EVI5: variants seen among roughly 807,000 people sequenced by gnomAD.
EVI5 encodes the protein ecotropic viral integration site 5 protein homolog.
Under a neutral mutation model 112.0 loss-of-function variants are expected in EVI5, and 73 were observed. The ratio of observed to expected loss-of-function variants is 0.65; its 90% CI spans 0.54 to 0.79. EVI5 has a LOEUF of 0.79. EVI5 is among the 30% of genes least tolerant of loss of function. The pLI, the probability that EVI5 is intolerant of heterozygous loss-of-function variation, is 0.00. For synonymous variants in EVI5, 305 were observed against 319.9 expected, an observed-to-expected ratio of 0.95 and a Z score of 0.50; for missense variants, 900 against 968.8, an observed-to-expected ratio of 0.93 and a Z score of 0.94.
chr1:92,702,236 G>C (rs201082078), intron 4 of EVI5, 21 bp from the exon 5 acceptor site: 7 of 1,362,186 alleles, frequency 5.1e-6, no homozygotes, highest in Admixed American at 2.5e-5. Flanking sequence ...AAAAAAAGTT[G>C]TTCAAAATAC....
intron 18 of EVI5, among the ~76,000 whole-genome samples, chr1:92,588,549 T>C (rs1055881161): frequency 2.0e-5 from 3 of 152,204 alleles, no homozygotes; most frequent in Non-Finnish European, 2.9e-5. Flanking sequence ...CTAATACCAA[T>C]ATCTTCTCAT....
At chr1:92,675,958 AAAAAAAAAAAAAG>A (rs1310970400) in intron 10 of EVI5, among the ~76,000 whole-genome samples, 4 of 150,668 alleles carry the variant, frequency 2.7e-5, no homozygotes, top group African/African-American at 7.3e-5. Context: ...TTCGTCTCAA[AAAAAAAAAAAAAG>A]AAAAAGAAAA....
chr1:92,700,613 C>T (rs1024151788), intron 5 of EVI5, among the ~76,000 whole-genome samples: 1 of 152,126 alleles, frequency 6.6e-6, no homozygotes, highest in Non-Finnish European at 1.5e-5. Context: ...TTGAAGGAAA[C>T]TGTGATTCCT....
intron 1 of EVI5, among the ~76,000 whole-genome samples, chr1:92,752,618 G>A (rs1680358307): frequency 6.6e-6 from 1 of 152,060 alleles, no homozygotes; most frequent in African/African-American, 2.4e-5. Context: ...CTTCTTTGTG[G>A]GGAGCGGGGA....
intron 9 of EVI5, among the ~76,000 whole-genome samples, chr1:92,682,961 T>C (rs560809230): frequency 1.3e-5 from 2 of 152,304 alleles, no homozygotes; most frequent in South Asian, 4.1e-4. Flanking sequence ...GGACATACAG[T>C]TGTAATTTAT....
chr1:92,522,110 A>G (rs1188698540), intron 19 of EVI5, among the ~76,000 whole-genome samples: 1 of 152,208 alleles, frequency 6.6e-6, no homozygotes, highest in African/African-American at 2.4e-5. Flanking sequence ...TATCTCATTT[A>G]GCAACATGTC....
At chr1:92,720,654 C>T (rs1021298662) in intron 2 of EVI5, among the ~76,000 whole-genome samples, 2 of 152,134 alleles carry the variant, frequency 1.3e-5, no homozygotes, top group Non-Finnish European at 2.9e-5. Context: ...GCAATGGCAA[C>T]AAAAGCCAAA....
chr1:92,673,181 T>C (rs1666153099), intron 10 of EVI5, among the ~76,000 whole-genome samples: 1 of 68,000 alleles, frequency 1.5e-5, no homozygotes, highest in Non-Finnish European at 2.9e-5. Flanking sequence ...TAGATAACAC[T>C]TCTCTTTTTT....
At chr1:92,599,320 T>C (rs372895399) in intron 18 of EVI5, among the ~76,000 whole-genome samples, 2 of 151,938 alleles carry the variant, frequency 1.3e-5, no homozygotes, top group South Asian at 4.1e-4. Context: ...GTACCAGTAA[T>C]TGGAAGAGTT....
intron 9 of EVI5, among the ~76,000 whole-genome samples, chr1:92,687,694 G>A (rs975724412): frequency 6.6e-6 from 1 of 151,978 alleles, no homozygotes; most frequent in Non-Finnish European, 1.5e-5. Flanking sequence ...AAATTTACAA[G>A]AAAAAGACAA....
At chr1:92,550,781 AATATATATATATATATAT>A (rs1330757944) in intron 19 of EVI5, among the ~76,000 whole-genome samples, 374 of 20,350 alleles carry the variant, frequency 0.018, 11 homozygotes, top group African/African-American at 0.06. Context: ...AAAAAAAAAA[AATATATATATATATATAT>A]ATATATATAT....
At chr1:92,785,484 C>T (rs1685535381), upstream of EVI5, among the ~76,000 whole-genome samples, 1 of 152,214 alleles carries the variant, frequency 6.6e-6, no homozygotes, top group Admixed American at 6.5e-5. Flanking sequence ...CGGAAGGCAG[C>T]CCCGAGCTCC....
intron 2 of EVI5, among the ~76,000 whole-genome samples, chr1:92,705,985 TAA>T (rs1285023771): frequency 6.6e-6 from 1 of 152,184 alleles, no homozygotes; most frequent in Non-Finnish European, 1.5e-5. Context: ...AATAAAATCA[TAA>T]GTCCAAATTT....
intron 13 of EVI5, among the ~76,000 whole-genome samples, chr1:92,649,546 T>C (rs986893114): frequency 2.6e-5 from 4 of 152,206 alleles, no homozygotes; most frequent in Admixed American, 6.5e-5. Context: ...CTGAGCACAG[T>C]GGCTTATGCT....
intron 19 of EVI5, among the ~76,000 whole-genome samples, chr1:92,521,933 G>A (rs763082129): frequency 1.4e-4 from 22 of 152,028 alleles, no homozygotes; most frequent in Non-Finnish European, 2.8e-4. Context: ...CCCACAATCC[G>A]GAGATAATCC....
chr1:92,536,734 C>A (rs1310843635), intron 19 of EVI5, among the ~76,000 whole-genome samples: 1 of 152,096 alleles, frequency 6.6e-6, no homozygotes, highest in Non-Finnish European at 1.5e-5. Context: ...ATAAAGAAAT[C>A]TGTGCCGAGA....
At chr1:92,636,977 C>G (rs1271589511) in intron 13 of EVI5, among the ~76,000 whole-genome samples, 1 of 151,856 alleles carries the variant, frequency 6.6e-6, no homozygotes, top group East Asian at 1.9e-4. Flanking sequence ...CTACAGAAGA[C>G]ATGTAAAGAT....
At chr1:92,531,158 C>T (rs1220785838) in intron 19 of EVI5, among the ~76,000 whole-genome samples, 1 of 151,416 alleles carries the variant, frequency 6.6e-6, no homozygotes, top group Non-Finnish European at 1.5e-5. Context: ...TATCAATAGC[C>T]AAACAGATCA....
intron 18 of EVI5, among the ~76,000 whole-genome samples, chr1:92,573,379 T>G (rs546383487): frequency 1.3e-5 from 2 of 152,258 alleles, no homozygotes; most frequent in Admixed American, 1.3e-4. Flanking sequence ...AAATTCAAAA[T>G]TCTATGTATA....
Sources: allele counts gnomAD v4.1 joint callset (sites outside exome capture counted in the v4.1 genomes callset), GRCh38; gene constraint gnomAD v4.1.1; transcripts MANE v1.5; gene names NCBI Gene and HGNC (gene_info 2026-07-23, HGNC 2026-07-21).